The following SNCAIP variants were observed in gnomAD, a reference collection of about 807,000 sequenced individuals.
SNCAIP encodes the protein synuclein alpha interacting protein.
A neutral mutation model predicts 86.7 loss-of-function variants in SNCAIP; 43 were observed. The ratio of observed to expected loss-of-function variants is 0.50; its 90% CI spans 0.39 to 0.64. The LOEUF (loss-of-function observed/expected upper bound fraction) is 0.64, where lower values mean the gene tolerates loss of function less well. SNCAIP is among the 30% of genes least tolerant of loss of function. SNCAIP has a pLI of 0.00. For synonymous variants in SNCAIP, 417 were observed against 427.2 expected (o/e 0.98, Z 0.29); for missense variants, 981 against 1,103.1 (o/e 0.89, Z 1.57).
At chr5:122,442,380 C>T (rs1352360265) in intron 7 of SNCAIP, among the ~76,000 whole-genome samples, 1 of 152,110 alleles carries the variant, frequency 6.6e-6, no homozygotes, top group Non-Finnish European at 1.5e-5. Context: ...GCAGAAATCT[C>T]TCTAGAGTGC....
chr5:122,423,351 C>T lies in SNCAIP; in HGVS notation c.614C>T (p.Ala205Val). The T allele has an allele frequency of 1.2e-6, 2 of 1,613,874 alleles. No homozygotes were observed. The highest frequency in any genetic ancestry group is 2.2e-5 in the South Asian group (2 of 91,082). Reference sequence around the variant, plus strand: ...TCTGAGAGCTCATCATCCAACATGGCACCATTTTGTGTTCTTTCTCCCGTG... The same window carrying T: ...TCTGAGAGCTCATCATCCAACATGGTACCATTTTGTGTTCTTTCTCCCGTG... Reference protein sequence around the residue: ...GSSESSSSNMAPFCVLSPVKS... With the variant: ...GSSESSSSNMVPFCVLSPVKS... Residue 205 changes from alanine to valine, a missense_variant, in exon 4 of 11, where the codon GCA (alanine) becomes GTA (valine). By Grantham distance (64) the Ala-to-Val change is moderately conservative (BLOSUM62 0). Transcript: ENST00000261368.
At chr5:122,445,257 TA>T (rs1782020330) in intron 8 of SNCAIP, among the ~76,000 whole-genome samples, 1 of 152,154 alleles carries the variant, frequency 6.6e-6, no homozygotes, top group African/African-American at 2.4e-5. Context: ...ATCTTCATAA[TA>T]AAAAATAGTG....
In SNCAIP at chr5:122,451,420, A is replaced by G. The variant is rs765575062; in HGVS notation, c.2573A>G (p.Lys858Arg). The change falls in exon 10 of 11, where the codon AAA becomes AGA. Residue 858 changes from lysine (K) to arginine (R), a missense_variant. Transcript: ENST00000261368. The part of the protein sequence containing the change: ...STSNESGDQL[K>R]RPFGAFRSIM... ...AGTAACGAATCGGGGGATCAACTGA[A>G]AAGGCCTTTTGGAGCCTTTCGATCT... 2 of 1,614,136 alleles carry G rather than the reference A, an allele frequency of 1.2e-6. No individual in the cohort carries two copies. Among genetic ancestry groups the G allele is most frequent in the East Asian group, 4.5e-5 (2 of 44,884 alleles).
intron 1 of SNCAIP, among the ~76,000 whole-genome samples, chr5:122,329,318 G>C (rs1190580620): frequency 1.3e-5 from 2 of 151,310 alleles, no homozygotes; most frequent in African/African-American, 4.9e-5. Context: ...GTTCAATCAG[G>C]ATTATTTCAG....
chr5:122,351,305 G>A lies in SNCAIP; in HGVS notation c.-47+39021G>A, dbSNP rs564012042. Among the ~76,000 whole-genome samples, 6 of 152,098 alleles carry A rather than the reference G, an allele frequency of 3.9e-5. No homozygotes were observed. In the East Asian group the frequency reaches 1.2e-3, roughly 29 times the overall value. ...TAATTCTAGCATTTTGGGAGGCCAA[G>A]GCAGGCAGATCACTTGAGGTCAGGG... On this transcript the variant is annotated intron_variant, in intron 1 of 10. Coordinates refer to ENST00000261368, the MANE Select transcript of SNCAIP (RefSeq NM_005460.4).
chr5:122,456,428 A>G (rs1409271445), intron 10 of SNCAIP, among the ~76,000 whole-genome samples: 1 of 152,176 alleles, frequency 6.6e-6, no homozygotes, highest in African/African-American at 2.4e-5. Flanking sequence ...AGTTTAGGGT[A>G]TCATTCCCCC....
intron 7 of SNCAIP, among the ~76,000 whole-genome samples, chr5:122,441,765 T>G (rs1383014743): frequency 6.6e-6 from 1 of 152,082 alleles, no homozygotes; most frequent in Non-Finnish European, 1.5e-5. Flanking sequence ...AAAGAGGGGA[T>G]AGCTGAAGGA....
At chr5:122,448,459 ACT>A (rs1371823933) in intron 8 of SNCAIP, among the ~76,000 whole-genome samples, 3 of 151,010 alleles carry the variant, frequency 2.0e-5, no homozygotes, top group Admixed American at 6.6e-5. Flanking sequence ...GCATAGCAAG[ACT>A]CTGTCTCTAA....
chr5:122,435,528 T>C (rs1217706054), intron 6 of SNCAIP, among the ~76,000 whole-genome samples: 3 of 152,198 alleles, frequency 2.0e-5, no homozygotes, highest in Non-Finnish European at 4.4e-5. Context: ...TTCTGAATCA[T>C]TCATGTGACT....
At chr5:122,377,082 T>C (rs1765478914) in intron 1 of SNCAIP, among the ~76,000 whole-genome samples, 1 of 152,194 alleles carries the variant, frequency 6.6e-6, no homozygotes, top group Non-Finnish European at 1.5e-5. Context: ...ACATCCCTGA[T>C]ATGTCCTCCA....
At chr5:122,387,562 C>T (rs1396067597) in intron 1 of SNCAIP, among the ~76,000 whole-genome samples, 1 of 152,176 alleles carries the variant, frequency 6.6e-6, no homozygotes, top group Non-Finnish European at 1.5e-5. Flanking sequence ...TCTCTTGCCT[C>T]CCAGCTGCTG....
intron 10 of SNCAIP, among the ~76,000 whole-genome samples, chr5:122,457,605 C>G (rs954071026): frequency 2.6e-5 from 4 of 152,130 alleles, no homozygotes; most frequent in African/African-American, 9.7e-5. Context: ...AACTCTTTCT[C>G]TCTCTCTCAC....
intron 1 of SNCAIP, among the ~76,000 whole-genome samples, chr5:122,330,583 T>G (rs1432956261): frequency 1.3e-5 from 2 of 152,182 alleles, no homozygotes; most frequent in Non-Finnish European, 2.9e-5. Flanking sequence ...AAAGGAACTT[T>G]GCATTGTGAG....
chr5:122,430,796 T>C (rs760853427), intron 5 of SNCAIP, among the ~76,000 whole-genome samples: 7 of 152,232 alleles, frequency 4.6e-5, no homozygotes, highest in Admixed American at 2.0e-4. Context: ...AAAATCCTAC[T>C]CTTTTTTTTC....
At chr5:122,428,393 T>A (rs993990876) in intron 5 of SNCAIP, among the ~76,000 whole-genome samples, 3 of 152,150 alleles carry the variant, frequency 2.0e-5, no homozygotes, top group African/African-American at 7.2e-5. Context: ...TGATATAATA[T>A]TTCCTTCTGC....
At chr5:122,437,052 T>G (rs1779658130) in intron 6 of SNCAIP, 1 of 152,196 alleles carries the variant, frequency 6.6e-6, no homozygotes, top group African/African-American at 2.4e-5. Flanking sequence ...CCATGTGACT[T>G]CATTAGATAT....
intron 1 of SNCAIP, among the ~76,000 whole-genome samples, chr5:122,368,584 C>G (rs1192202796): frequency 6.6e-6 from 1 of 152,144 alleles, no homozygotes; most frequent in Non-Finnish European, 1.5e-5. Context: ...TGATACCTTG[C>G]AGAGTTATTA....
At position 122,423,726 on chromosome 5, in the gene SNCAIP, A is replaced by G; in HGVS notation, c.989A>G (p.Gln330Arg). The G allele has an allele frequency of 6.2e-7, 1 of 1,600,942 alleles. No homozygotes were observed. Among genetic ancestry groups the G allele is most frequent in the Non-Finnish European group, 8.5e-7 (1 of 1,179,730 alleles). Residue 330 changes from glutamine to arginine, a missense_variant, in exon 4 of 11, where the codon CAG becomes CGG. By Grantham distance (43) the Gln-to-Arg change is conservative (BLOSUM62 1). Coordinates refer to ENST00000261368, the MANE Select transcript of SNCAIP (RefSeq NM_005460.4). Reference protein sequence around the residue: ...KSILNIVKEGQISLLPHLAAD... With the variant: ...KSILNIVKEGRISLLPHLAAD... ...ATCTTGAACATTGTTAAAGAAGGAC[A>G]GATCTCTCTCCTGGTAAGTATAATC...
chr5:122,454,537 A>AC (rs1314366585), intron 10 of SNCAIP: 4 of 152,660 alleles, frequency 2.6e-5, no homozygotes, highest in Non-Finnish European at 5.9e-5. Flanking sequence ...TAGAAAAAAA[A>AC]CATACTCATT....
Sources: gnomAD v4.1 joint callset for allele counts (sites outside exome capture counted in the v4.1 genomes callset) on GRCh38, gnomAD v4.1.1 for gene constraint, MANE v1.5 for transcripts, NCBI Gene and HGNC (gene_info 2026-07-23, HGNC 2026-07-21) for gene names.